Variants in SRPK2 observed in about 807,000 individuals in gnomAD.
SRPK2 encodes SFRS protein kinase 2.
A neutral mutation model predicts 90.8 loss-of-function variants in SRPK2; 21 were observed. That is an observed-to-expected ratio of 0.23 (90% confidence interval 0.16 to 0.33). The LOEUF (loss-of-function observed/expected upper bound fraction) is 0.33. Ranked by LOEUF, SRPK2 falls within the 10% of genes least tolerant of loss-of-function variation. SRPK2 has a pLI of 1.00. For synonymous variants in SRPK2, 288 were observed against 311.1 expected (o/e 0.93, Z 0.78); for missense variants, 620 against 869.0 (o/e 0.71, Z 3.60).
chr7:105,325,984 TGGC>T (rs1813536901), intron 2 of SRPK2, among the ~76,000 whole-genome samples: 1 of 152,218 alleles, frequency 6.6e-6, no homozygotes, highest in Admixed American at 6.5e-5. Flanking sequence ...CGGATAGCCT[TGGC>T]TACCGGTCCC....
chr7:105,169,391 T>C, intron 3 of SRPK2, 126 bp from the exon 4 acceptor site: 1 of 668,968 alleles, frequency 1.5e-6, no homozygotes, highest in South Asian at 1.9e-5. Context: ...GACTAAAACA[T>C]GTTTAATAAT....
chr7:105,268,923 C>A (rs772517497), intron 2 of SRPK2: 1 of 1,540,872 alleles, frequency 6.5e-7, no homozygotes, highest in East Asian at 2.3e-5. Context: ...TGCTTTCAAG[C>A]CTTATATCAA....
At chr7:105,136,247 AGG>A (rs1802793087) in intron 11 of SRPK2, among the ~76,000 whole-genome samples, 1 of 152,216 alleles carries the variant, frequency 6.6e-6, no homozygotes, top group Non-Finnish European at 1.5e-5. Flanking sequence ...ACACAACAGG[AGG>A]TAAAAGAGAT....
Position 105,117,502 on chromosome 7 carries a change from G to T in SRPK2, c.*336C>A. 3.7e-6 allele frequency: 1 copy of T among 273,186 alleles called. No homozygotes were observed. The highest frequency in any genetic ancestry group is 6.9e-6 in the Non-Finnish European group (1 of 144,080). 16.9% of individuals were successfully genotyped at this position (273,186 alleles called of 1,614,324 possible). A position where few individuals can be genotyped will look rare whatever the true frequency, so the allele number is the denominator to read the frequency against. On this transcript the variant is annotated 3_prime_UTR_variant, in exon 16 of 16. Transcript: ENST00000393651. ...CAGCTAAAATATTTCTTCATAAATA[G>T]TTACAAAACCTGCCAAAACACAAAG... is the stretch of plus-strand genomic sequence containing the variant.
intron 2 of SRPK2, among the ~76,000 whole-genome samples, chr7:105,335,194 C>T (rs541202138): frequency 1.3e-5 from 2 of 152,216 alleles, no homozygotes; most frequent in Admixed American, 1.3e-4. Flanking sequence ...AATAACACTA[C>T]TTATTATCAA....
chr7:105,319,522 T>TGGGGGGGG (rs1812693739), intron 2 of SRPK2, among the ~76,000 whole-genome samples: 1 of 10,740 alleles, frequency 9.3e-5, no homozygotes, highest in Non-Finnish European at 2.2e-4. Context: ...GGGGGGGCGG[T>TGGGGGGGG]GGATGGCAGG....
intron 2 of SRPK2, among the ~76,000 whole-genome samples, chr7:105,238,928 G>A (rs984917249): frequency 6.6e-6 from 1 of 152,104 alleles, no homozygotes; most frequent in Admixed American, 6.6e-5. Context: ...AGAGAACAAA[G>A]CACGAAGGCA....
chr7:105,335,166 C>T (rs1438399068), intron 2 of SRPK2, among the ~76,000 whole-genome samples: 6 of 151,886 alleles, frequency 4.0e-5, no homozygotes, highest in Admixed American at 2.0e-4. Flanking sequence ...AGCAAGACTC[C>T]GTCTCAAAAA....
chr7:105,164,598 G>C (rs1585013077), intron 6 of SRPK2, among the ~76,000 whole-genome samples: 1 of 152,138 alleles, frequency 6.6e-6, no homozygotes, highest in African/African-American at 2.4e-5. Flanking sequence ...AAAGTGTCTT[G>C]AACTTGATGA....
chr7:105,380,674 C>A (rs182753611), intron 2 of SRPK2, among the ~76,000 whole-genome samples: 1 of 151,706 alleles, frequency 6.6e-6, no homozygotes. Flanking sequence ...TAGGCACATG[C>A]CACCACGCCT....
At chr7:105,122,354 A>T (rs970749198) in intron 15 of SRPK2, among the ~76,000 whole-genome samples, 5 of 152,230 alleles carry the variant, frequency 3.3e-5, no homozygotes, top group African/African-American at 9.6e-5. Flanking sequence ...AGAAACGGAA[A>T]CATCTGCCCA....
At chr7:105,265,268 CAAT>C (rs1428350973) in intron 2 of SRPK2, among the ~76,000 whole-genome samples, 3 of 152,168 alleles carry the variant, frequency 2.0e-5, no homozygotes, top group East Asian at 1.9e-4. Flanking sequence ...TAAAATACAA[CAAT>C]AATACAAATT....
At chr7:105,376,572 C>A (rs905339682) in intron 2 of SRPK2, among the ~76,000 whole-genome samples, 3 of 150,258 alleles carry the variant, frequency 2.0e-5, no homozygotes, top group Admixed American at 1.3e-4. Flanking sequence ...TAGAGTCTCA[C>A]TCTGTTGCCC....
At chr7:105,132,731 T>G in intron 13 of SRPK2, 60 bp downstream of exon 13, 3 of 1,359,058 alleles carry the variant, frequency 2.2e-6, no homozygotes, top group Non-Finnish European at 3.1e-6. Context: ...CTCAGCCCCA[T>G]CCAGAGTGTG....
intron 2 of SRPK2, among the ~76,000 whole-genome samples, chr7:105,232,977 G>C (rs1356343866): frequency 6.6e-6 from 1 of 151,738 alleles, no homozygotes; most frequent in Non-Finnish European, 1.5e-5. Flanking sequence ...CTGAGATAAC[G>C]CCACTGCACT....
chr7:105,263,727 T>C (rs974224809), intron 2 of SRPK2, among the ~76,000 whole-genome samples: 1 of 152,066 alleles, frequency 6.6e-6, no homozygotes, highest in Non-Finnish European at 1.5e-5. Context: ...CAAAGATTTC[T>C]TAGGCACAAC....
chr7:105,188,588 T>C (rs1206806099), intron 3 of SRPK2, among the ~76,000 whole-genome samples: 3 of 152,164 alleles, frequency 2.0e-5, no homozygotes, highest in African/African-American at 7.2e-5. Flanking sequence ...CCCAACAAAA[T>C]CTGGAACTCC....
intron 2 of SRPK2, among the ~76,000 whole-genome samples, chr7:105,338,586 T>C (rs1221813935): frequency 4.6e-5 from 7 of 152,200 alleles, no homozygotes; most frequent in Non-Finnish European, 2.9e-5. Context: ...AAGTCCAACC[T>C]AAGGGTCTCA....
chr7:105,137,265 C>A (rs997095276), intron 11 of SRPK2, among the ~76,000 whole-genome samples: 2 of 152,144 alleles, frequency 1.3e-5, no homozygotes, highest in Non-Finnish European at 2.9e-5. Flanking sequence ...GAGCAGGCAC[C>A]AACAGAGACC....
Sources: gnomAD v4.1 joint callset for allele counts (sites outside exome capture counted in the v4.1 genomes callset) on GRCh38, gnomAD v4.1.1 for gene constraint, MANE v1.5 for transcripts, NCBI Gene and HGNC (gene_info 2026-07-23, HGNC 2026-07-21) for gene names.